NUBPL: variants seen among roughly 807,000 people sequenced by gnomAD.
NUBPL encodes iron-sulfur cluster transfer protein NUBPL.
NUBPL carries 31 observed loss-of-function variants against 45.7 expected under a neutral mutation model. The observed-to-expected ratio is 0.68, with a 90% CI of 0.51 to 0.92. The LOEUF (loss-of-function observed/expected upper bound fraction) is 0.92. Ranked by LOEUF, NUBPL falls within the 40% of genes least tolerant of loss-of-function variation. The probability of loss-of-function intolerance (pLI) is 0.00; values close to 1 mark genes in which losing one functional copy is unlikely to be tolerated. For synonymous variants in NUBPL, 144 were observed against 140.9 expected (o/e 1.02, Z -0.15); for missense variants, 401 against 398.7 (o/e 1.01, Z -0.05).
chr14:31,851,522 C>T (rs554071484), intron 10 of NUBPL, among the ~76,000 whole-genome samples: 4 of 152,124 alleles, frequency 2.6e-5, no homozygotes, highest in Admixed American at 6.5e-5. Flanking sequence ...GTTTTGCTGG[C>T]GATATGATCT....
At chr14:31,627,294 A>G (rs2035229132) in intron 4 of NUBPL, among the ~76,000 whole-genome samples, 2 of 152,128 alleles carry the variant, frequency 1.3e-5, no homozygotes, top group African/African-American at 4.8e-5. Flanking sequence ...AGTTCACAAG[A>G]AGGCATGTAG....
At chr14:31,683,838 C>A (rs973290150) in intron 6 of NUBPL, among the ~76,000 whole-genome samples, 1 of 151,512 alleles carries the variant, frequency 6.6e-6, no homozygotes, top group Non-Finnish European at 1.5e-5. Context: ...TTTATTTTTC[C>A]CTCCTTATTT....
chr14:31,625,552 T>C (rs1272498249), intron 4 of NUBPL, among the ~76,000 whole-genome samples: 1 of 151,414 alleles, frequency 6.6e-6, no homozygotes, highest in African/African-American at 2.4e-5. Flanking sequence ...CTCTGCTCAC[T>C]GCAACCTCTG....
chr14:31,795,042 A>C (rs1393565780), intron 7 of NUBPL, among the ~76,000 whole-genome samples: 1 of 148,644 alleles, frequency 6.7e-6, no homozygotes, highest in Non-Finnish European at 1.5e-5. Flanking sequence ...AGATAGTTGT[A>C]GATATGCGGC....
chr14:31,712,486 C>T lies in NUBPL; in HGVS notation c.513+38912C>T, dbSNP rs200708504. ...CCTGTGCCAGCCTGTGAGTGAGGCA[C>T]GCAGCCCTGGCTCCCACCCATGCCT... On this transcript the variant is annotated intron_variant, in intron 6 of 10. Coordinates refer to ENST00000281081, the MANE Select transcript of NUBPL (RefSeq NM_025152.3). Among the ~76,000 whole-genome samples, 23 of 152,348 alleles carry T rather than the reference C, an allele frequency of 1.5e-4. No individual in the cohort carries two copies. The East Asian group carries it at 1.9e-3, about 13-fold the overall frequency.
At chr14:31,657,691 T>C (rs1317543416) in intron 4 of NUBPL, among the ~76,000 whole-genome samples, 1 of 152,210 alleles carries the variant, frequency 6.6e-6, no homozygotes, top group Non-Finnish European at 1.5e-5. Context: ...GCCCTTGTTA[T>C]AGATATCTTT....
At chr14:31,612,571 G>A (rs1329555216) in intron 4 of NUBPL, among the ~76,000 whole-genome samples, 2 of 152,034 alleles carry the variant, frequency 1.3e-5, no homozygotes, top group East Asian at 3.9e-4. Flanking sequence ...TGAGGCAGGA[G>A]AATTGCTCGA....
intron 6 of NUBPL, among the ~76,000 whole-genome samples, chr14:31,742,237 TACACACACACACAC>T (rs3035713): frequency 2.3e-4 from 33 of 141,478 alleles, no homozygotes; most frequent in South Asian, 7.2e-4. Flanking sequence ...AACTATTGTG[TACACACACACACAC>T]ACACACACAC....
intron 4 of NUBPL, among the ~76,000 whole-genome samples, chr14:31,642,440 G>T (rs893463043): frequency 6.6e-6 from 1 of 152,128 alleles, no homozygotes; most frequent in Non-Finnish European, 1.5e-5. Context: ...TGAGGAGACT[G>T]TCCTTTCCAC....
At chr14:31,650,579 G>C (rs545141509) in intron 4 of NUBPL, among the ~76,000 whole-genome samples, 1 of 152,066 alleles carries the variant, frequency 6.6e-6, no homozygotes, top group African/African-American at 2.4e-5. Context: ...GTTAGTCACC[G>C]CACCTGGCCC....
chr14:31,720,342 A>G (rs1327116693), intron 6 of NUBPL, among the ~76,000 whole-genome samples: 1 of 152,228 alleles, frequency 6.6e-6, no homozygotes, highest in Non-Finnish European at 1.5e-5. Context: ...TATGGTTAAA[A>G]ATTATCTTTC....
intron 3 of NUBPL, among the ~76,000 whole-genome samples, chr14:31,575,123 T>C (rs992135824): frequency 2.6e-5 from 4 of 152,344 alleles, no homozygotes; most frequent in East Asian, 1.9e-4. Flanking sequence ...CTGCTTTTTT[T>C]CCCCGCAAAT....
intron 4 of NUBPL, among the ~76,000 whole-genome samples, chr14:31,670,877 C>CT (rs1179327666): frequency 5.9e-5 from 9 of 152,070 alleles, no homozygotes; most frequent in Non-Finnish European, 1.3e-4. Context: ...TACGGTAGCC[C>CT]TGTAGTGTAG....
chr14:31,790,648 G>A (rs1322566934), intron 7 of NUBPL, among the ~76,000 whole-genome samples: 5 of 151,324 alleles, frequency 3.3e-5, no homozygotes, highest in African/African-American at 1.2e-4. Context: ...TCAGGAGATC[G>A]AGACCATCCT....
chr14:31,688,489 A>G (rs964908954), intron 6 of NUBPL, among the ~76,000 whole-genome samples: 1 of 151,526 alleles, frequency 6.6e-6, no homozygotes, highest in African/African-American at 2.4e-5. Flanking sequence ...AGGCAGGAGA[A>G]TCGCTCGAAC....
intron 4 of NUBPL, among the ~76,000 whole-genome samples, chr14:31,606,112 T>TTTTC: frequency 6.7e-6 from 1 of 148,426 alleles, no homozygotes; most frequent in African/African-American, 2.5e-5. Context: ...TTTTTTTTTT[T>TTTTC]TTTGAGAGTA....
intron 7 of NUBPL, among the ~76,000 whole-genome samples, chr14:31,793,526 T>C (rs1333091090): frequency 1.3e-5 from 2 of 152,208 alleles, no homozygotes; most frequent in Non-Finnish European, 2.9e-5. Context: ...GACTGTTAAC[T>C]TCCTGGAGGG....
intron 8 of NUBPL, among the ~76,000 whole-genome samples, chr14:31,837,412 G>A (rs777637927): frequency 6.6e-6 from 1 of 152,142 alleles, no homozygotes; most frequent in Non-Finnish European, 1.5e-5. Flanking sequence ...AGATTAGGTA[G>A]GAGAACTACC....
intron 4 of NUBPL, among the ~76,000 whole-genome samples, chr14:31,659,536 A>G (rs933686267): frequency 3.9e-5 from 6 of 152,092 alleles, no homozygotes; most frequent in African/African-American, 1.4e-4. Flanking sequence ...AGTATGTCTT[A>G]TTTGTTTCTA....
Sources: gnomAD v4.1 joint callset for allele counts (sites outside exome capture counted in the v4.1 genomes callset) on GRCh38, gnomAD v4.1.1 for gene constraint, MANE v1.5 for transcripts, NCBI Gene and HGNC (gene_info 2026-07-23, HGNC 2026-07-21) for gene names.